The following TEKT2 variants were observed in gnomAD, a reference collection of about 807,000 sequenced individuals.
TEKT2 encodes the protein tektin 2.
Under a neutral mutation model 49.8 loss-of-function variants are expected in TEKT2, and 45 were observed. That is an observed-to-expected ratio of 0.90 (90% CI 0.71 to 1.16). The LOEUF (loss-of-function observed/expected upper bound fraction) is 1.16. TEKT2 is among the 50% of genes most tolerant of loss of function. The pLI is 0.00. For missense variants in TEKT2, 523 were observed against 551.4 expected, an observed-to-expected ratio of 0.95 and a Z score of 0.52; for synonymous variants, 202 against 224.6, an observed-to-expected ratio of 0.90 and a Z score of 0.90.
chr1:36,085,502 CTTTTCTTTTTTTT>C lies in TEKT2; in HGVS notation c.282+219_282+231del, dbSNP rs1345930821. ...TTCTTTTCTTTTTTTTTCTTTCTTTCTTTTCTTTTTTTTTTTTTTTTTTTTTTTTTGAGACAGC... is the reference window on the plus strand; with the variant it reads ...TTCTTTTCTTTTTTTTTCTTTCTTTCTTTTTTTTTTTTTTTTTGAGACAGC... On this transcript the variant is annotated intron_variant, in intron 3 of 9. Coordinates refer to ENST00000207457, the MANE Select transcript of TEKT2 (RefSeq NM_014466.3). Among the ~76,000 whole-genome samples, 29 of 131,436 alleles carry C rather than the reference CTTTTCTTTTTTTT, an allele frequency of 2.2e-4. 1 individual carries two copies. The highest frequency in any genetic ancestry group is 8.0e-4 in the African/African-American group (27 of 33,948). The allele number at this position is 131,436 out of a possible 152,430, so 86.2% of individuals were successfully genotyped here.
chr1:36,088,273 T>C lies in TEKT2; in HGVS notation c.*87T>C. 8.1e-7 allele frequency: 1 copy of C among 1,240,468 alleles called. No homozygotes were observed. Among genetic ancestry groups the C allele is most frequent in the Non-Finnish European group, 1.1e-6 (1 of 874,856 alleles). The allele number at this position is 1,240,468 out of a possible 1,614,324, so 76.8% of individuals were successfully genotyped here. ...ATGAATGGAATAAATGCAGAGGATC[T>C]CAGGCCGGCTGTTCTCTGCCCCACT... On this transcript the variant is annotated 3_prime_UTR_variant, in exon 10 of 10. Coordinates refer to ENST00000207457, the MANE Select transcript of TEKT2 (RefSeq NM_014466.3).
In TEKT2 at chr1:36,086,052, G is replaced by A; in HGVS notation, c.488+11G>A. 4 of 1,564,994 alleles carry A rather than the reference G, an allele frequency of 2.6e-6. No homozygotes were observed. The highest frequency in any genetic ancestry group is 1.4e-5 in the African/African-American group (1 of 73,794). On this transcript the variant is annotated intron_variant, in intron 4 of 9. Transcript: ENST00000207457. ...CTTCGAGCAGCTCTGGTAAGGGAGA[G>A]GCAGGTCGTCCGCATGTTCATGGGC...
chr1:36,085,054 C>T lies in TEKT2; in HGVS notation c.133C>T (p.Leu45Phe). 1.2e-6 allele frequency: 2 copies of T among 1,614,150 alleles called. No homozygotes were observed. Among genetic ancestry groups the T allele is most frequent in the Non-Finnish European group, 1.7e-6 (2 of 1,180,050 alleles). ...TCAGATCCGCCAGGAGGCCCGGGTG[C>T]TCCGCAACGAGACCAACAACCAGGT... ...SHQIRQEARV[L>F]RNETNNQTIW... The change falls in exon 2 of 10, where the codon CTC becomes TTC. Residue 45 changes from leucine (L) to phenylalanine (F), a missense_variant. By Grantham distance (22) the Leu-to-Phe change is conservative (BLOSUM62 0). Transcript: ENST00000207457.
In TEKT2 at chr1:36,085,063, G is replaced by A. The variant is rs150747871; in HGVS notation, c.142G>A (p.Glu48Lys). Residue 48 changes from glutamate (E) to lysine (K), a missense_variant, in exon 2 of 10, where the codon GAG (glutamate) becomes AAG (lysine). Physicochemically the swap from Glu to Lys is moderately conservative, Grantham distance 56. Transcript: ENST00000207457. ...CCAGGAGGCCCGGGTGCTCCGCAAC[G>A]AGACCAACAACCAGGTTGGGGATGG... ...IRQEARVLRN[E>K]TNNQTIWDEH... 2.8e-5 allele frequency: 45 copies of A among 1,614,038 alleles called. No homozygotes were observed. The highest frequency in any genetic ancestry group is 5.3e-5 in the African/African-American group (4 of 74,944).
chr1:36,086,961 C>T lies in TEKT2; in HGVS notation c.663C>T (p.Phe221=), dbSNP rs1333075176. ...CCACACTCCAGCAGTGGGATGACTTCAGTCGGTTCAACAAGGACCGAGCGG... is the reference window on the plus strand; with the variant it reads ...CCACACTCCAGCAGTGGGATGACTTTAGTCGGTTCAACAAGGACCGAGCGG... ...GSTTLQQWDD[F]SRFNKDRAEA... is the part of the protein sequence containing the mutation. The change falls in exon 6 of 10, where the codon TTC becomes TTT. Residue 221 remains phenylalanine (F), a synonymous_variant. Coordinates refer to ENST00000207457, the MANE Select transcript of TEKT2 (RefSeq NM_014466.3). 1 of 1,613,964 alleles carries T rather than the reference C, an allele frequency of 6.2e-7. No individual in the cohort carries two copies. Among genetic ancestry groups the T allele is most frequent in the Admixed American group, 1.7e-5 (1 of 60,030 alleles).
rs1163102841 is a variant in TEKT2 at position 36,086,043 on chromosome 1, T to A, written c.488+2T>A. 6.4e-7 allele frequency: 1 copy of A among 1,573,088 alleles called. No individual in the cohort carries two copies. Among genetic ancestry groups the A allele is most frequent in the Non-Finnish European group, 8.6e-7 (1 of 1,158,750 alleles). On this transcript the variant is annotated splice_donor_variant, in intron 4 of 9. Coordinates refer to ENST00000207457, the MANE Select transcript of TEKT2 (RefSeq NM_014466.3). LOFTEE classifies it high-confidence loss of function. ...CAGCCAGGCCTTCGAGCAGCTCTGG[T>A]AAGGGAGAGGCAGGTCGTCCGCATG...
Position 36,088,153 on chromosome 1 carries a change from T to C in TEKT2, c.1260T>C (p.Ser420=). 1 of 1,599,482 alleles carries C rather than the reference T, an allele frequency of 6.3e-7. No homozygotes were observed. The highest frequency in any genetic ancestry group is 8.5e-7 in the Non-Finnish European group (1 of 1,173,304). ...CACGTACCACAAATAGCACCCTGAG[T>C]CCACTCAAAAGCTGCCAGCTGGAGC... ...TFTRTTNSTL[S]PLKSCQLELA is the part of the protein sequence containing the mutation. Residue 420 remains serine, a synonymous_variant, in exon 10 of 10, where the codon AGT becomes AGC. Coordinates refer to ENST00000207457, the MANE Select transcript of TEKT2 (RefSeq NM_014466.3).
At position 36,088,085 on chromosome 1, in the gene TEKT2, A is replaced by G. The variant is rs200994339; in HGVS notation, c.1192A>G (p.Thr398Ala). The G allele has an allele frequency of 1.4e-4, 229 of 1,613,026 alleles. No homozygotes were observed. In the East Asian group the frequency reaches 5.0e-3, roughly 35 times the overall value. The change falls in exon 10 of 10, where the codon ACC becomes GCC. Residue 398 changes from threonine (T) to alanine (A), a missense_variant. By Grantham distance (58) the Thr-to-Ala change is moderately conservative. Transcript: ENST00000207457. ...TKCMDTRRKL[T>A]VPAERFVPEV... Reference sequence around the variant, plus strand: ...GTGCATGGACACACGGCGCAAGCTGACCGTGCCTGCTGAGAGGTTCGTGCC... The same window carrying G: ...GTGCATGGACACACGGCGCAAGCTGGCCGTGCCTGCTGAGAGGTTCGTGCC...
rs760662056 is a variant in TEKT2 at position 36,084,961 on chromosome 1, C to T, written c.40C>T (p.Leu14=). The change falls in exon 2 of 10, where the codon CTG becomes TTG. Residue 14 remains leucine, a synonymous_variant. Coordinates refer to ENST00000207457, the MANE Select transcript of TEKT2 (RefSeq NM_014466.3). This position sits in a 1 kb window ranked among gnomAD's most constrained non-coding sequence, Gnocchi z 4.1. ...LSVKPSRRFQ[L]PDWHTNSYLL... is the part of the protein sequence containing the mutation. The stretch of plus-strand genomic sequence containing the variant: ...CGTCAAGCCAAGTCGGCGCTTCCAG[C>T]TGCCCGACTGGCACACTAACAGCTA... The T allele has an allele frequency of 3.7e-6, 6 of 1,614,096 alleles. No individual in the cohort carries two copies. The highest frequency in any genetic ancestry group is 5.1e-6 in the Non-Finnish European group (6 of 1,180,034).
At position 36,087,160 on chromosome 1, in the gene TEKT2, C is replaced by T; in HGVS notation, c.748-44C>T. 2 of 1,606,552 alleles carry T rather than the reference C, an allele frequency of 1.2e-6. No individual in the cohort carries two copies. The highest frequency in any genetic ancestry group is 1.3e-5 in the African/African-American group (1 of 74,888). On this transcript the variant is annotated intron_variant, in intron 6 of 9. Transcript: ENST00000207457. This position sits in a 1 kb window ranked among gnomAD's most constrained non-coding sequence, Gnocchi z 4.9. ...TCGCTTGAGTAATATCCTCAGGCAG[C>T]CCTGAGTGTAGACCCTCCCCTTGCC...
At position 36,085,858 on chromosome 1, in the gene TEKT2, A is replaced by C; in HGVS notation, c.305A>C (p.Asn102Thr). The C allele has an allele frequency of 6.2e-7, 1 of 1,613,620 alleles. No individual in the cohort carries two copies. Among genetic ancestry groups the C allele is most frequent in the Non-Finnish European group, 8.5e-7 (1 of 1,179,922 alleles). ...TAGATGAAGGAGTCAGCAGAGCAAAACCTGCAGGCCAAGAACCTGCCTCTG... is the reference window on the plus strand; with the variant it reads ...TAGATGAAGGAGTCAGCAGAGCAAACCCTGCAGGCCAAGAACCTGCCTCTG... ...LTQMKESAEQ[N>T]LQAKNLPLDV... The change falls in exon 4 of 10, where the codon AAC becomes ACC. Residue 102 changes from asparagine to threonine, a missense_variant. By Grantham distance (65) the Asn-to-Thr change is moderately conservative. Coordinates refer to ENST00000207457, the MANE Select transcript of TEKT2 (RefSeq NM_014466.3).
rs1415449290 is a variant in TEKT2 at position 36,084,121 on chromosome 1, G to C, written c.-81G>C. 1 of 152,408 alleles carries C rather than the reference G, an allele frequency of 6.6e-6. No homozygotes were observed. Among genetic ancestry groups the C allele is most frequent in the Non-Finnish European group, 1.5e-5 (1 of 68,202 alleles). 9.4% of individuals were successfully genotyped at this position (152,408 alleles called of 1,614,324 possible). A position where few individuals can be genotyped will look rare whatever the true frequency, so the allele number is the denominator to read the frequency against. ...TGCCAAACACTGGAGCTCAGAGCGG[G>C]GGGCGCGGAGAGCGAAGCGGGAAAG... On this transcript the variant is annotated 5_prime_UTR_variant, in exon 1 of 10. Coordinates refer to ENST00000207457, the MANE Select transcript of TEKT2 (RefSeq NM_014466.3). This position sits in a 1 kb window ranked among gnomAD's most constrained non-coding sequence, Gnocchi z 4.1.
intron 4 of TEKT2, among the ~76,000 whole-genome samples, 160 bp from the exon 5 acceptor site, chr1:36,086,544 C>A (rs1570001133): frequency 6.6e-6 from 1 of 151,896 alleles, no homozygotes; most frequent in Non-Finnish European, 1.5e-5. Flanking sequence ...GCAGCATTTT[C>A]ATCCAGCTGT....
chr1:36,086,175 G>T, intron 4 of TEKT2, 134 bp downstream of exon 4: 1 of 926,528 alleles, frequency 1.1e-6, no homozygotes. Flanking sequence ...GCCTGTGACA[G>T]AAACCACTAA....
Position 36,085,306 on chromosome 1 carries a change from G to C in TEKT2, c.282+18G>C, listed in dbSNP as rs1017479511. The C allele has an allele frequency of 1.2e-6, 2 of 1,613,496 alleles. No individual in the cohort carries two copies. Among genetic ancestry groups the C allele is most frequent in the Admixed American group, 3.3e-5 (2 of 59,990 alleles). ...TGACACAGGCAGGGATCCAGGACTGGGTGCCCGGGGGCTGCTGCCGAAACC... is the reference window on the plus strand; with the variant it reads ...TGACACAGGCAGGGATCCAGGACTGCGTGCCCGGGGGCTGCTGCCGAAACC... On this transcript the variant is annotated intron_variant, in intron 3 of 9. Transcript: ENST00000207457.
rs566607949 is a variant in TEKT2 at position 36,085,948 on chromosome 1, C to A, written c.395C>A (p.Pro132His). The part of the protein sequence containing the change: ...SRRDIDVVKD[P>H]VEDELHKEVE... Reference sequence around the variant, plus strand: ...CGAGACATTGATGTGGTGAAGGACCCTGTGGAGGATGAGCTGCATAAAGAG... The same window carrying A: ...CGAGACATTGATGTGGTGAAGGACCATGTGGAGGATGAGCTGCATAAAGAG... The change falls in exon 4 of 10, where the codon CCT becomes CAT. Residue 132 changes from proline (P) to histidine (H), a missense_variant. Physicochemically the swap from Pro to His is moderately conservative, Grantham distance 77 (BLOSUM62 -2). Coordinates refer to ENST00000207457, the MANE Select transcript of TEKT2 (RefSeq NM_014466.3). The A allele has an allele frequency of 1.7e-4, 279 of 1,613,736 alleles. 6 individuals are homozygous for A. The South Asian group carries it at 3.0e-3, about 17-fold the overall frequency.
At position 36,087,092 on chromosome 1, in the gene TEKT2, C is replaced by T; in HGVS notation, c.747+47C>T. ...ATGGATGGTCCCAGTGTGCGCTCAGCCCTTATCTTCTGTTCCCTGCTGTGC... is the reference window on the plus strand; with the variant it reads ...ATGGATGGTCCCAGTGTGCGCTCAGTCCTTATCTTCTGTTCCCTGCTGTGC... On this transcript the variant is annotated intron_variant, in intron 6 of 9. Transcript: ENST00000207457. The surrounding 1 kb of genome is among the most constrained non-coding windows in gnomAD (Gnocchi z 4.9). The T allele has an allele frequency of 6.2e-7, 1 of 1,607,372 alleles. No homozygotes were observed. The highest frequency in any genetic ancestry group is 8.5e-7 in the Non-Finnish European group (1 of 1,175,386).
At position 36,088,232 on chromosome 1, in the gene TEKT2, A is replaced by T; in HGVS notation, c.*46A>T. 1 of 1,462,392 alleles carries T rather than the reference A, an allele frequency of 6.8e-7. No homozygotes were observed. Among genetic ancestry groups the T allele is most frequent in the Non-Finnish European group, 9.5e-7 (1 of 1,051,144 alleles). The allele number at this position is 1,462,392 out of a possible 1,614,324, so 90.6% of individuals were successfully genotyped here. A position where few individuals can be genotyped will look rare whatever the true frequency, so the allele number is the denominator to read the frequency against. On this transcript the variant is annotated 3_prime_UTR_variant, in exon 10 of 10. Coordinates refer to ENST00000207457, the MANE Select transcript of TEKT2 (RefSeq NM_014466.3). ...AGGGCAGGGTTGGGTGGGCAATGGAAGGAGGGAGGAGAGAAATGAATGGAA... is the reference window on the plus strand; with the variant it reads ...AGGGCAGGGTTGGGTGGGCAATGGATGGAGGGAGGAGAGAAATGAATGGAA...
In TEKT2 at chr1:36,085,436, C is replaced by A. The variant is rs965868881; in HGVS notation, c.282+148C>A. ...CCTGCTAAAGTGGGGACAAGCGCTA[C>A]TTCCCCATGGATGGCCCCACCAGCA... On this transcript the variant is annotated intron_variant, in intron 3 of 9. Transcript: ENST00000207457. 4 of 1,202,474 alleles carry A rather than the reference C, an allele frequency of 3.3e-6. No homozygotes were observed. The African/African-American group carries it at 4.5e-5, about 14-fold the overall frequency. The allele number at this position is 1,202,474 out of a possible 1,614,324, so 74.5% of individuals were successfully genotyped here. A position where few individuals can be genotyped will look rare whatever the true frequency, so the allele number is the denominator to read the frequency against.
Sources: allele counts gnomAD v4.1 joint callset (sites outside exome capture counted in the v4.1 genomes callset), GRCh38; gene constraint gnomAD v4.1.1; non-coding constraint Gnocchi (gnomAD v3.1); transcripts MANE v1.5; gene names NCBI Gene and HGNC (gene_info 2026-07-23, HGNC 2026-07-21).